CRY1: variants seen among roughly 807,000 people sequenced by gnomAD.
The protein encoded by CRY1 is cryptochrome circadian regulator 1.
In CRY1, 45 loss-of-function variants were observed where a neutral mutation model predicts 76.0. The ratio of observed to expected loss-of-function variants is 0.59; its 90% CI spans 0.47 to 0.76. The LOEUF is 0.76. Among genes scored for constraint, CRY1 ranks in the 30% least tolerant of loss-of-function variants. The pLI, the probability that CRY1 is intolerant of heterozygous loss-of-function variation, is 0.00. For missense variants in CRY1, 587 were observed against 716.4 expected, an observed-to-expected ratio of 0.82 and a Z score of 2.06; for synonymous variants, 248 against 244.0, an observed-to-expected ratio of 1.02 and a Z score of -0.15.
chr12:106,999,506 G>C (rs1952276162), intron 7 of CRY1, 45 bp downstream of exon 7: 1 of 1,508,584 alleles, frequency 6.6e-7, no homozygotes, highest in Non-Finnish European at 8.9e-7. Context: ...ATTAAGGTAA[G>C]GATTCCTTCA....
At chr12:107,006,552 A>G (rs948917092) in intron 2 of CRY1, among the ~76,000 whole-genome samples, 1 of 152,118 alleles carries the variant, frequency 6.6e-6, no homozygotes, top group African/African-American at 2.4e-5. Context: ...ATTATGTACC[A>G]GAAAGACTGT....
intron 1 of CRY1, among the ~76,000 whole-genome samples, chr12:107,092,540 C>T (rs985129564): frequency 2.6e-5 from 4 of 152,170 alleles, no homozygotes; most frequent in Non-Finnish European, 5.9e-5. Flanking sequence ...TAAGAATTCT[C>T]CACAAATTCA....
chr12:106,997,668 C>T lies in CRY1; in HGVS notation c.1312G>A (p.Gly438Ser), dbSNP rs1424800183. Residue 438 changes from glycine to serine, a missense_variant, in exon 9 of 13, where the codon GGC (glycine) becomes AGC (serine). Physicochemically the swap from Gly to Ser is moderately conservative, Grantham distance 56 (BLOSUM62 0). Coordinates refer to ENST00000008527, the MANE Select transcript of CRY1 (RefSeq NM_004075.5). ...TCATAGATATATTTTGCAGGGAAGCCTCTTAGGACAGGCAAATAACGCCTT... is the reference window on the plus strand; with the variant it reads ...TCATAGATATATTTTGCAGGGAAGCTTCTTAGGACAGGCAAATAACGCCTT... ...YIRRYLPVLR[G>S]FPAKYIYDPW... 2 of 1,613,846 alleles carry T rather than the reference C, an allele frequency of 1.2e-6. No homozygotes were observed. Among genetic ancestry groups the T allele is most frequent in the Non-Finnish European group, 1.7e-6 (2 of 1,179,954 alleles).
chr12:107,001,415 T>G (rs1338510149), intron 4 of CRY1, 47 bp from the exon 5 acceptor site: 1 of 1,475,308 alleles, frequency 6.8e-7, no homozygotes, highest in Non-Finnish European at 9.3e-7. Context: ...AAACTAATTT[T>G]TATTTAACCC....
In CRY1 at chr12:106,999,562, C is replaced by T. The variant is rs2136821412; in HGVS notation, c.1126G>A (p.Glu376Lys). Reference sequence around the variant, plus strand: ...GTTAGAACACTTACCTTCATTCCTTCTTCCCAACTAATCCACAGGTCCCCT... The same window carrying T: ...GTTAGAACACTTACCTTCATTCCTTTTTCCCAACTAATCCACAGGTCCCCT... ...TRGDLWISWE[E>K]GMKVFEELLL... The change falls in exon 7 of 13, where the codon GAA (glutamate) becomes AAA (lysine). Residue 376 changes from glutamate (E) to lysine (K), a missense_variant. By Grantham distance (56) the Glu-to-Lys change is moderately conservative. Transcript: ENST00000008527. The T allele has an allele frequency of 6.2e-7, 1 of 1,611,658 alleles. No individual in the cohort carries two copies. Among genetic ancestry groups the T allele is most frequent in the Admixed American group, 1.7e-5 (1 of 59,630 alleles).
chr12:107,074,844 G>A (rs936888238), intron 1 of CRY1, among the ~76,000 whole-genome samples: 3 of 151,970 alleles, frequency 2.0e-5, no homozygotes, highest in African/African-American at 4.8e-5. Flanking sequence ...ATGAAACCCC[G>A]TCTCTAGTAA....
At chr12:107,047,840 T>C (rs1189741941) in intron 1 of CRY1, among the ~76,000 whole-genome samples, 3 of 151,830 alleles carry the variant, frequency 2.0e-5, no homozygotes, top group Non-Finnish European at 4.4e-5. Context: ...AATCTAACAA[T>C]GCATTACAAG....
intron 1 of CRY1, among the ~76,000 whole-genome samples, chr12:107,024,621 C>T (rs1349355417): frequency 6.6e-6 from 1 of 152,146 alleles, no homozygotes; most frequent in Non-Finnish European, 1.5e-5. Context: ...AAGTCATCCT[C>T]CCACCTCAGC....
At chr12:107,052,600 G>GT (rs1238935196) in intron 1 of CRY1, among the ~76,000 whole-genome samples, 1 of 152,136 alleles carries the variant, frequency 6.6e-6, no homozygotes, top group Non-Finnish European at 1.5e-5. Context: ...ATGGAGACTG[G>GT]TATTTTATAT....
At chr12:107,070,311 T>G (rs1349604888) in intron 1 of CRY1, among the ~76,000 whole-genome samples, 1 of 152,128 alleles carries the variant, frequency 6.6e-6, no homozygotes, top group Non-Finnish European at 1.5e-5. Flanking sequence ...ATTAGCAGTA[T>G]CAACATGAGT....
At chr12:107,029,531 G>A (rs900243892) in intron 1 of CRY1, among the ~76,000 whole-genome samples, 2 of 151,194 alleles carry the variant, frequency 1.3e-5, no homozygotes, top group African/African-American at 4.9e-5. Flanking sequence ...GGGAGGTTGA[G>A]GCTGCACTGA....
rs546669795 is a variant in CRY1, at chr12:107,069,752, T to G, written c.158+23052A>C. On this transcript the variant is annotated intron_variant, in intron 1 of 12. Transcript: ENST00000008527. ...ATGTAATATATATTAAGTATATATA[T>G]AAAGTATATATACATATATATACTT... Among the ~76,000 whole-genome samples, 201 of 146,358 alleles carry G rather than the reference T, an allele frequency of 1.4e-3. 2 individuals are homozygous for G. The highest frequency in any genetic ancestry group is 3.6e-3 in the Middle Eastern group (1 of 278).
At chr12:107,074,261 A>G (rs1953223813) in intron 1 of CRY1, among the ~76,000 whole-genome samples, 1 of 152,218 alleles carries the variant, frequency 6.6e-6, no homozygotes, top group Admixed American at 6.5e-5. Flanking sequence ...CATAATACCA[A>G]TAAAAGGCTT....
intron 5 of CRY1, 75 bp from the exon 6 acceptor site, chr12:107,000,157 T>G (rs1952290276): frequency 6.9e-6 from 10 of 1,454,216 alleles, no homozygotes; most frequent in Non-Finnish European, 8.3e-6. Context: ...ATGGAGATTT[T>G]TTTTTTTAAA....
chr12:107,044,613 G>T (rs542712571), intron 1 of CRY1, among the ~76,000 whole-genome samples: 2 of 152,220 alleles, frequency 1.3e-5, no homozygotes, highest in South Asian at 4.1e-4. Flanking sequence ...AATACAGACA[G>T]ACTATTCAAT....
chr12:106,999,548 T>A lies in CRY1; in HGVS notation c.1137+3A>T. On this transcript the variant is annotated splice_donor_region_variant and intron_variant, in intron 7 of 12. Coordinates refer to ENST00000008527, the MANE Select transcript of CRY1 (RefSeq NM_004075.5). The stretch of plus-strand genomic sequence containing the variant: ...GGCATGCTATATCAGTTAGAACACT[T>A]ACCTTCATTCCTTCTTCCCAACTAA... The A allele has an allele frequency of 6.2e-7, 1 of 1,607,184 alleles. No homozygotes were observed. The highest frequency in any genetic ancestry group is 8.5e-7 in the Non-Finnish European group (1 of 1,176,860).
In CRY1 at chr12:107,011,058, C is replaced by G. The variant is rs964898916; in HGVS notation, c.268-5810G>C. ...GAGGAAGGCATGTTGAAAGGTGAGA[C>G]AGGCCAGGCTGGGCGCAGTGGCTCA... On this transcript the variant is annotated intron_variant, in intron 2 of 12. Coordinates refer to ENST00000008527, the MANE Select transcript of CRY1 (RefSeq NM_004075.5). Among the ~76,000 whole-genome samples the G allele has an allele frequency of 6.6e-5, 10 of 152,150 alleles. 1 individual carries two copies. Among genetic ancestry groups the G allele is most frequent in the South Asian group, 4.1e-4 (2 of 4,824 alleles).
At chr12:107,037,076 A>G (rs2136862576) in intron 1 of CRY1, among the ~76,000 whole-genome samples, 1 of 152,360 alleles carries the variant, frequency 6.6e-6, no homozygotes, top group Middle Eastern at 3.4e-3. Flanking sequence ...AAATATATAT[A>G]GTTTCAATGA....
At chr12:107,066,357 A>G (rs1297882654) in intron 1 of CRY1, among the ~76,000 whole-genome samples, 1 of 152,182 alleles carries the variant, frequency 6.6e-6, no homozygotes, top group African/African-American at 2.4e-5. Context: ...TCATTTCTCT[A>G]TATCCATTCA....
Sources: gnomAD v4.1 joint callset for allele counts (sites outside exome capture counted in the v4.1 genomes callset) on GRCh38, gnomAD v4.1.1 for gene constraint, MANE v1.5 for transcripts, NCBI Gene and HGNC (gene_info 2026-07-23, HGNC 2026-07-21) for gene names.